Variants in GCNT2 observed in about 807,000 individuals in gnomAD.
GCNT2 encodes N-acetyllactosaminide beta-1,6-N-acetylglucosaminyl-transferase.
GCNT2 carries 34 observed loss-of-function variants against 34.2 expected under a neutral mutation model. That is an observed-to-expected ratio of 1.00 (90% confidence interval 0.76 to 1.32). The LOEUF is 1.32. GCNT2 is among the 40% of genes most tolerant of loss of function. The pLI is 0.00. For synonymous variants in GCNT2, 212 were observed against 188.0 expected (o/e 1.13, Z -1.04); for missense variants, 584 against 489.4 (o/e 1.19, Z -1.82).
chr6:10,586,142 C>T (rs547449447), intron 3 of GCNT2: 39 of 1,614,182 alleles, frequency 2.4e-5, no homozygotes, highest in African/African-American at 5.3e-5. Context: ...CCTGTAATCA[C>T]GCCTTAGAGA....
chr6:10,606,506 T>A (rs1334100435), intron 3 of GCNT2, among the ~76,000 whole-genome samples: 2 of 152,138 alleles, frequency 1.3e-5, no homozygotes, highest in Admixed American at 6.5e-5. Context: ...TCAAAATATA[T>A]CCTTGTTTAG....
At chr6:10,606,502 T>C (rs1765315633) in intron 3 of GCNT2, among the ~76,000 whole-genome samples, 1 of 152,164 alleles carries the variant, frequency 6.6e-6, no homozygotes, top group South Asian at 2.1e-4. Context: ...CAAATCAAAA[T>C]ATATCCTTGT....
At chr6:10,522,704 T>C (rs938537115) in intron 1 of GCNT2, among the ~76,000 whole-genome samples, 1 of 152,214 alleles carries the variant, frequency 6.6e-6, no homozygotes, top group Non-Finnish European at 1.5e-5. Context: ...ATTCTACCTA[T>C]GGCAGTAATT....
chr6:10,552,539 C>T (rs141948378), intron 3 of GCNT2, among the ~76,000 whole-genome samples: 1 of 151,818 alleles, frequency 6.6e-6, no homozygotes, highest in East Asian at 1.9e-4. Flanking sequence ...AGCATAACAA[C>T]TGTTTACATA....
chr6:10,533,090 T>C (rs903219981), intron 3 of GCNT2, among the ~76,000 whole-genome samples: 11 of 151,860 alleles, frequency 7.2e-5, no homozygotes, highest in African/African-American at 2.7e-4. Flanking sequence ...GTGGATCGCC[T>C]GAAGTCAGGA....
At chr6:10,579,838 A>AG (rs1196868897) in intron 3 of GCNT2, among the ~76,000 whole-genome samples, 2 of 149,678 alleles carry the variant, frequency 1.3e-5, no homozygotes, top group Non-Finnish European at 3.0e-5. Flanking sequence ...AAAAAAAAAA[A>AG]AAAAAAAAAA....
At chr6:10,574,326 A>G (rs1345979004) in intron 3 of GCNT2, among the ~76,000 whole-genome samples, 1 of 151,900 alleles carries the variant, frequency 6.6e-6, no homozygotes, top group Non-Finnish European at 1.5e-5. Context: ...ATACCTACCA[A>G]CCTCTTTAAC....
At chr6:10,578,293 A>G (rs1763910651) in intron 3 of GCNT2, among the ~76,000 whole-genome samples, 1 of 151,224 alleles carries the variant, frequency 6.6e-6, no homozygotes, top group South Asian at 2.1e-4. Flanking sequence ...AGGCAGGAGA[A>G]TCGCTTGAAT....
rs77670734 is a variant in GCNT2 at position 10,581,099 on chromosome 6, A to G, written c.926-40252A>G. Among the ~76,000 whole-genome samples, 549 of 152,212 alleles carry G rather than the reference A, an allele frequency of 3.6e-3. 4 individuals carry two copies. The highest frequency in any genetic ancestry group is 0.013 in the African/African-American group (525 of 41,532). ...CTGGAAGGAAATGCCTGTTCAATAT[A>G]CCATTTGATATATTCAAAGATACCA... On this transcript the variant is annotated intron_variant, in intron 3 of 4. Transcript: ENST00000495262.
chr6:10,534,822 A>G (rs1761683727), intron 3 of GCNT2, among the ~76,000 whole-genome samples: 1 of 152,160 alleles, frequency 6.6e-6, no homozygotes. Context: ...CAATAGCACC[A>G]CTACCCTCAG....
intron 3 of GCNT2, among the ~76,000 whole-genome samples, chr6:10,535,800 G>C (rs993995899): frequency 7.2e-5 from 11 of 152,116 alleles, no homozygotes; most frequent in African/African-American, 1.4e-4. Flanking sequence ...GTGTCCAAAG[G>C]GGAAGGAATA....
At chr6:10,583,432 C>T (rs570003531) in intron 3 of GCNT2, among the ~76,000 whole-genome samples, 11 of 152,270 alleles carry the variant, frequency 7.2e-5, no homozygotes, top group African/African-American at 2.4e-4. Flanking sequence ...TCTTAACATG[C>T]CTCGTGTGGC....
chr6:10,556,017 T>C (rs1762683035), intron 3 of GCNT2: 5 of 1,129,100 alleles, frequency 4.4e-6, no homozygotes, highest in Non-Finnish European at 4.4e-6. Flanking sequence ...ACTGCGCTCA[T>C]TCCCTGAATG....
At chr6:10,572,602 C>T (rs1247315491) in intron 3 of GCNT2, among the ~76,000 whole-genome samples, 3 of 151,880 alleles carry the variant, frequency 2.0e-5, no homozygotes, top group African/African-American at 7.2e-5. Flanking sequence ...GACCTAGTGG[C>T]GGGCGCCTGT....
At chr6:10,614,154 A>C (rs961838373) in intron 3 of GCNT2, among the ~76,000 whole-genome samples, 2 of 152,200 alleles carry the variant, frequency 1.3e-5, no homozygotes, top group Non-Finnish European at 2.9e-5. Context: ...TCTCCTCAAA[A>C]TAATAACCAA....
chr6:10,588,788 TG>T (rs1764465254), intron 3 of GCNT2, among the ~76,000 whole-genome samples: 1 of 31,998 alleles, frequency 3.1e-5, no homozygotes, highest in Non-Finnish European at 7.5e-5. Context: ...GTGTGTGATG[TG>T]TGTGTGTGTG....
At chr6:10,593,298 G>C (rs1259918233) in intron 3 of GCNT2, among the ~76,000 whole-genome samples, 5 of 152,076 alleles carry the variant, frequency 3.3e-5, no homozygotes, top group African/African-American at 1.2e-4. Context: ...ATTCCTTATC[G>C]ATTGTATAAG....
intron 3 of GCNT2, among the ~76,000 whole-genome samples, chr6:10,546,265 A>AGG (rs1350414100): frequency 6.6e-6 from 1 of 152,206 alleles, no homozygotes; most frequent in African/African-American, 2.4e-5. Context: ...AGACAAATGC[A>AGG]GTTGACCAGT....
At chr6:10,572,560 A>G (rs1302514632) in intron 3 of GCNT2, among the ~76,000 whole-genome samples, 6 of 151,984 alleles carry the variant, frequency 3.9e-5, no homozygotes, top group East Asian at 1.9e-4. Context: ...GTGAAATCCC[A>G]TCTCTACTAA....
Sources: gnomAD v4.1 joint callset for allele counts (sites outside exome capture counted in the v4.1 genomes callset) on GRCh38, gnomAD v4.1.1 for gene constraint, MANE v1.5 for transcripts, NCBI Gene and HGNC (gene_info 2026-07-23, HGNC 2026-07-21) for gene names.